MALRD1: variants seen among roughly 807,000 people sequenced by gnomAD.
The protein encoded by MALRD1 is MAM and LDL-receptor class A domain-containing protein 1.
In MALRD1, 247 loss-of-function variants were observed where a neutral mutation model predicts 242.1. The ratio of observed to expected loss-of-function variants is 1.02; its 90% CI spans 0.92 to 1.13. The LOEUF is 1.13. MALRD1 is among the 50% of genes most tolerant of loss of function. MALRD1 has a pLI of 0.00. For missense variants in MALRD1, 2,989 were observed against 2,533.1 expected (o/e 1.18, Z -3.86); for synonymous variants, 995 against 866.6 (o/e 1.15, Z -2.60).
chr10:19,242,501 A>G (rs997962707), intron 18 of MALRD1, among the ~76,000 whole-genome samples: 5 of 152,118 alleles, frequency 3.3e-5, no homozygotes, highest in African/African-American at 1.2e-4. Flanking sequence ...TAATCTGTCC[A>G]TTTTTAAAGT....
intron 14 of MALRD1, among the ~76,000 whole-genome samples, chr10:19,199,323 T>G (rs1368474390): frequency 6.6e-6 from 1 of 152,234 alleles, no homozygotes; most frequent in African/African-American, 2.4e-5. Flanking sequence ...CATAGCATAA[T>G]GCTTGGTATA....
chr10:19,266,524 A>C (rs1159036445), intron 19 of MALRD1, among the ~76,000 whole-genome samples: 1 of 151,860 alleles, frequency 6.6e-6, no homozygotes. Flanking sequence ...TTATGTTTTT[A>C]ATTTCACAAT....
At chr10:19,161,054 G>T (rs1378312935) in intron 12 of MALRD1, among the ~76,000 whole-genome samples, 3 of 148,646 alleles carry the variant, frequency 2.0e-5, no homozygotes, top group African/African-American at 7.4e-5. Flanking sequence ...ACATGCACAC[G>T]TATGTTTATT....
In MALRD1 at chr10:19,443,197, G is replaced by A. The variant is rs1230831332; in HGVS notation, c.4846-7110G>A. Among the ~76,000 whole-genome samples, 3 of 152,016 alleles carry A rather than the reference G, an allele frequency of 2.0e-5. No homozygotes were observed. In the East Asian group the frequency reaches 5.8e-4, roughly 29 times the overall value. On this transcript the variant is annotated intron_variant, in intron 28 of 39. Coordinates refer to ENST00000454679, the MANE Select transcript of MALRD1 (RefSeq NM_001142308.3). ...TATCATTTTTTTATTGCATCTATTTGATTCTTCTCTCTTTTCTTCTTTATT... is the reference window on the plus strand; with the variant it reads ...TATCATTTTTTTATTGCATCTATTTAATTCTTCTCTCTTTTCTTCTTTATT...
chr10:19,087,892 A>G lies in MALRD1; in HGVS notation c.393A>G (p.Arg131=), dbSNP rs557117238. The part of the protein sequence containing the change: ...SRVDSISSSL[R]SRVFLPTNDQ... Reference sequence around the variant, plus strand: ...TGGATTCTATTTCCTCAAGTTTAAGAAGCAGAGTTTTCCTTCCAACAAATG... The same window carrying G: ...TGGATTCTATTTCCTCAAGTTTAAGGAGCAGAGTTTTCCTTCCAACAAATG... The change falls in exon 3 of 40, where the codon AGA becomes AGG. Residue 131 remains arginine (R), a synonymous_variant. Transcript: ENST00000454679. The G allele has an allele frequency of 1.7e-4, 204 of 1,233,386 alleles. 1 individual carries two copies. In the East Asian group the frequency reaches 6.3e-3, roughly 38 times the overall value. The allele number at this position is 1,233,386 out of a possible 1,614,324, so 76.4% of individuals were successfully genotyped here.
In MALRD1 at chr10:19,175,200, A is replaced by G; in HGVS notation, c.1831-8A>G. On this transcript the variant is annotated splice_region_variant and splice_polypyrimidine_tract_variant and intron_variant, in intron 13 of 39. Coordinates refer to ENST00000454679, the MANE Select transcript of MALRD1 (RefSeq NM_001142308.3). Reference sequence around the variant, plus strand: ...GTTTTTAACAGTTTTATCTTTCTGTAATTATAGTTAATTTTGGAAGCTACT... The same window carrying G: ...GTTTTTAACAGTTTTATCTTTCTGTGATTATAGTTAATTTTGGAAGCTACT... The G allele has an allele frequency of 8.1e-7, 1 of 1,227,730 alleles. No individual in the cohort carries two copies. The highest frequency in any genetic ancestry group is 4.1e-5 in the South Asian group (1 of 24,264). 76.1% of individuals were successfully genotyped at this position (1,227,730 alleles called of 1,614,324 possible). A position where few individuals can be genotyped will look rare whatever the true frequency, so the allele number is the denominator to read the frequency against.
intron 19 of MALRD1, among the ~76,000 whole-genome samples, chr10:19,259,125 G>T (rs1373716406): frequency 1.3e-5 from 2 of 152,040 alleles, no homozygotes; most frequent in Non-Finnish European, 2.9e-5. Context: ...CTTAGATAAG[G>T]TTAGGTCATT....
chr10:19,324,222 C>A, intron 22 of MALRD1, 117 bp downstream of exon 22: 1 of 1,017,440 alleles, frequency 9.8e-7, no homozygotes, highest in Non-Finnish European at 1.4e-6. Flanking sequence ...ACCAACACTT[C>A]ACTAGATTTA....
At position 19,229,821 on chromosome 10, in the gene MALRD1, C is replaced by T. The variant is rs74118887; in HGVS notation, c.2991+20141C>T. On this transcript the variant is annotated intron_variant, in intron 18 of 39. Coordinates refer to ENST00000454679, the MANE Select transcript of MALRD1 (RefSeq NM_001142308.3). ...AGAGTTTTTTGATGTATTCTCTAGA[C>T]TGCTGTGACCCACTGACAGAAAGCC... Among the ~76,000 whole-genome samples, 1,466 of 152,252 alleles carry T rather than the reference C, an allele frequency of 9.6e-3. 25 individuals are homozygous for T. The highest frequency in any genetic ancestry group is 0.032 in the African/African-American group (1,323 of 41,542).
chr10:19,538,650 TG>T (rs373125039), intron 32 of MALRD1, among the ~76,000 whole-genome samples: 1 of 152,300 alleles, frequency 6.6e-6, no homozygotes, highest in South Asian at 2.1e-4. Context: ...AACTTGGCAC[TG>T]AACAAGATGA....
At chr10:19,149,966 T>C (rs1323926616) in intron 11 of MALRD1, among the ~76,000 whole-genome samples, 1 of 152,182 alleles carries the variant, frequency 6.6e-6, no homozygotes, top group Non-Finnish European at 1.5e-5. Flanking sequence ...CTTCTTTCAA[T>C]TAGCATAAAG....
chr10:19,341,297 A>C (rs1371530158), intron 24 of MALRD1, among the ~76,000 whole-genome samples: 4 of 151,696 alleles, frequency 2.6e-5, no homozygotes, highest in Non-Finnish European at 4.4e-5. Context: ...GTTTATTATG[A>C]TATGTCTGGC....
rs74693497 is a variant in MALRD1, at chr10:19,605,588, T to C, written c.5945-2189T>C. On this transcript the variant is annotated intron_variant, in intron 34 of 39. Coordinates refer to ENST00000454679, the MANE Select transcript of MALRD1 (RefSeq NM_001142308.3). ...ACTGAACCAATAGAAAACTTATTGA[T>C]TTTCCATCTGTAGACTTTATTCCTA... Among the ~76,000 whole-genome samples the C allele has an allele frequency of 3.0e-3, 458 of 151,848 alleles. 18 individuals are homozygous for C. The East Asian group carries it at 0.057, about 19-fold the overall frequency.
chr10:19,406,598 A>G (rs1847122648), intron 28 of MALRD1, among the ~76,000 whole-genome samples: 1 of 152,184 alleles, frequency 6.6e-6, no homozygotes, highest in African/African-American at 2.4e-5. Flanking sequence ...GAAAGGGTGA[A>G]TGTTGTCAGC....
chr10:19,208,835 A>G (rs567255753), intron 17 of MALRD1, among the ~76,000 whole-genome samples: 41 of 152,186 alleles, frequency 2.7e-4, no homozygotes, highest in African/African-American at 7.5e-4. Flanking sequence ...TTAAATCAAC[A>G]CCTCTGGAGA....
Position 19,549,527 on chromosome 10 carries a change from G to A in MALRD1, c.5479-17975G>A, listed in dbSNP as rs1589228552. The stretch of plus-strand genomic sequence containing the variant: ...TCACCAGCAAGATTATGACTTGAAG[G>A]CTGAGATGGTCATTAGCATATTTTA... On this transcript the variant is annotated intron_variant, in intron 32 of 39. Coordinates refer to ENST00000454679, the MANE Select transcript of MALRD1 (RefSeq NM_001142308.3). Among the ~76,000 whole-genome samples, 3 of 152,118 alleles carry A rather than the reference G, an allele frequency of 2.0e-5. No homozygotes were observed. In the South Asian group the frequency reaches 6.2e-4, roughly 32 times the overall value.
intron 18 of MALRD1, among the ~76,000 whole-genome samples, chr10:19,218,386 T>A (rs1436485363): frequency 6.6e-6 from 1 of 152,202 alleles, no homozygotes; most frequent in African/African-American, 2.4e-5. Flanking sequence ...TTACATATAT[T>A]ATTAAAATCT....
At position 19,595,371 on chromosome 10, in the gene MALRD1, C is replaced by G; in HGVS notation, c.5858C>G (p.Pro1953Arg). The stretch of plus-strand genomic sequence containing the variant: ...CCACTCTGTAGTAACATGGAGTTCC[C>G]GTGCTCTACAGACGAGTGTATACCT... ...TPPLCSNMEF[P>R]CSTDECIPSL... is the part of the protein sequence containing the mutation. The change falls in exon 34 of 40, where the codon CCG becomes CGG. Residue 1953 changes from proline to arginine, a missense_variant. By Grantham distance (103) the Pro-to-Arg change is moderately radical. Coordinates refer to ENST00000454679, the MANE Select transcript of MALRD1 (RefSeq NM_001142308.3). 1.3e-6 allele frequency: 2 copies of G among 1,550,542 alleles called. No individual in the cohort carries two copies. Among genetic ancestry groups the G allele is most frequent in the Non-Finnish European group, 8.7e-7 (1 of 1,146,886 alleles).
At chr10:19,238,433 AATAT>A (rs1564492405) in intron 18 of MALRD1, among the ~76,000 whole-genome samples, 1 of 70,976 alleles carries the variant, frequency 1.4e-5, no homozygotes, top group African/African-American at 6.1e-5. Flanking sequence ...CATTATATAT[AATAT>A]ATAATATACA....
Sources: allele counts gnomAD v4.1 joint callset (sites outside exome capture counted in the v4.1 genomes callset), GRCh38; gene constraint gnomAD v4.1.1; transcripts MANE v1.5; gene names NCBI Gene and HGNC (gene_info 2026-07-23, HGNC 2026-07-21).